The following CAMSAP1 variants were observed in gnomAD, a reference collection of about 807,000 sequenced individuals.
CAMSAP1 encodes the protein calmodulin-regulated spectrin-associated protein 1.
A neutral mutation model predicts 143.5 loss-of-function variants in CAMSAP1; 58 were observed. The ratio of observed to expected loss-of-function variants is 0.40; its 90% CI spans 0.33 to 0.50. The LOEUF is 0.50. Ranked by LOEUF, CAMSAP1 falls within the 20% of genes least tolerant of loss-of-function variation. The pLI is 0.45. For missense variants in CAMSAP1, 1,969 were observed against 2,115.7 expected (o/e 0.93, Z 1.36); for synonymous variants, 945 against 859.3 (o/e 1.10, Z -1.74).
chr9:135,887,741 T>C (rs1838169435), intron 1 of CAMSAP1, among the ~76,000 whole-genome samples: 1 of 151,382 alleles, frequency 6.6e-6, no homozygotes, highest in South Asian at 2.1e-4. Flanking sequence ...CTGGAGGAAG[T>C]GGGGAGAAGT....
At chr9:135,892,860 AAAAAAAAG>A (rs1450234180) in intron 1 of CAMSAP1, among the ~76,000 whole-genome samples, 1 of 147,834 alleles carries the variant, frequency 6.8e-6, no homozygotes, top group African/African-American at 2.5e-5. Flanking sequence ...AAAAAAAAAA[AAAAAAAAG>A]AACTAATCAG....
rs1835488044 is a variant in CAMSAP1 at position 135,822,059 on chromosome 9, T to C, written c.2602A>G (p.Lys868Glu). 6.2e-7 allele frequency: 1 copy of C among 1,612,506 alleles called. No individual in the cohort carries two copies. The highest frequency in any genetic ancestry group is 8.5e-7 in the Non-Finnish European group (1 of 1,179,448). The change falls in exon 11 of 17, where the codon AAG becomes GAG. Residue 868 changes from lysine to glutamate, a missense_variant. Coordinates refer to ENST00000389532, the MANE Select transcript of CAMSAP1 (RefSeq NM_015447.4). This position sits in a 1 kb window ranked among gnomAD's most constrained non-coding sequence, Gnocchi z 6.1. ...KREQSPSQHG[K>E]DPASLLASEL... ...GATGCCAGGAGGCTGGCGGGATCCT[T>C]GCCATGCTGGCTCGGACTCTGCTCC...
At chr9:135,817,892 T>C (rs1835288719) in intron 14 of CAMSAP1, 85 bp downstream of exon 14, 4 of 1,019,412 alleles carry the variant, frequency 3.9e-6, no homozygotes, top group Admixed American at 2.4e-5. Flanking sequence ...CAAAAGCCTC[T>C]CTCACCGTGT....
chr9:135,888,420 G>A (rs1838191760), intron 1 of CAMSAP1, among the ~76,000 whole-genome samples: 2 of 152,292 alleles, frequency 1.3e-5, no homozygotes, highest in South Asian at 2.1e-4. Flanking sequence ...CCTCTGGCAG[G>A]TGCTACAACT....
chr9:135,861,949 C>CT (rs1837209875), intron 5 of CAMSAP1, among the ~76,000 whole-genome samples: 4 of 152,230 alleles, frequency 2.6e-5, no homozygotes, highest in Admixed American at 1.3e-4. Flanking sequence ...ACGTCCCCAA[C>CT]ACGAAGCGTG....
intron 7 of CAMSAP1, among the ~76,000 whole-genome samples, chr9:135,842,484 A>AGGAAATAC (rs1290224242): frequency 1.3e-5 from 2 of 152,208 alleles, no homozygotes; most frequent in African/African-American, 4.8e-5. Flanking sequence ...ATTCAAATTC[A>AGGAAATAC]GGAAATACGG....
chr9:135,823,452 T>C (rs544478206), intron 10 of CAMSAP1, among the ~76,000 whole-genome samples, 192 bp from the exon 11 acceptor site: 4 of 152,296 alleles, frequency 2.6e-5, no homozygotes, highest in African/African-American at 9.6e-5. Flanking sequence ...AACACTCTAG[T>C]CCCAGGACCT....
chr9:135,866,415 T>A (rs1357056725), intron 4 of CAMSAP1, 41 bp downstream of exon 4: 1 of 971,766 alleles, frequency 1.0e-6, no homozygotes, highest in East Asian at 2.6e-5. Context: ...GGGACCAACA[T>A]TAACTTAGTG....
At chr9:135,903,715 A>G (rs1432809236) in intron 1 of CAMSAP1, among the ~76,000 whole-genome samples, 1 of 152,268 alleles carries the variant, frequency 6.6e-6, no homozygotes, top group Non-Finnish European at 1.5e-5. Flanking sequence ...TATTGAAGCC[A>G]CTTTCACCAT....
chr9:135,889,625 C>T (rs1366431075), intron 1 of CAMSAP1, among the ~76,000 whole-genome samples: 1 of 152,218 alleles, frequency 6.6e-6, no homozygotes, highest in African/African-American at 2.4e-5. Flanking sequence ...AGCCTGCCTG[C>T]TAGCAGCTGC....
chr9:135,883,378 C>T (rs906672961), intron 1 of CAMSAP1, among the ~76,000 whole-genome samples: 1 of 152,166 alleles, frequency 6.6e-6, no homozygotes, highest in African/African-American at 2.4e-5. Flanking sequence ...ACCGTGACCT[C>T]AAAGGATGAC....
intron 3 of CAMSAP1, among the ~76,000 whole-genome samples, chr9:135,877,191 C>T (rs73559487): frequency 0.035 from 5,329 of 152,036 alleles, 303 homozygotes; most frequent in African/African-American, 0.12. Flanking sequence ...TGCAATGCCA[C>T]AGGTCAATCT....
intron 16 of CAMSAP1, 127 bp downstream of exon 16, chr9:135,814,970 G>C (rs1175218581): frequency 1.4e-6 from 1 of 728,868 alleles, no homozygotes; most frequent in Non-Finnish European, 2.3e-6. Context: ...CCTCTTCCTT[G>C]AAATCTGCAT....
intron 7 of CAMSAP1, among the ~76,000 whole-genome samples, chr9:135,848,587 TG>T (rs899038274): frequency 9.9e-5 from 15 of 152,106 alleles, no homozygotes; most frequent in Admixed American, 9.2e-4. Context: ...AGTGGAGCTC[TG>T]CCTGCTCTCC....
At position 135,820,266 on chromosome 9, in the gene CAMSAP1, C is replaced by T. The variant is rs62584794; in HGVS notation, c.3822+573G>A. On this transcript the variant is annotated intron_variant, in intron 11 of 16. Coordinates refer to ENST00000389532, the MANE Select transcript of CAMSAP1 (RefSeq NM_015447.4). The surrounding 1 kb of genome is among the most constrained non-coding windows in gnomAD (Gnocchi z 4.4). ...ATGGTCTTATCATCTTAGGAGACGA[C>T]GATATATGGTCTTATCATCTTAGGA... Among the ~76,000 whole-genome samples the T allele has an allele frequency of 0.11, 16,735 of 152,034 alleles. 1,278 individuals carry two copies. Among genetic ancestry groups the T allele is most frequent in the Non-Finnish European group, 0.17 (11,713 of 67,932 alleles).
intron 7 of CAMSAP1, among the ~76,000 whole-genome samples, chr9:135,846,550 G>A (rs1043141944): frequency 6.6e-6 from 1 of 152,062 alleles, no homozygotes; most frequent in African/African-American, 2.4e-5. Context: ...AAAATAAAGA[G>A]CTTCTGCACA....
At chr9:135,904,208 A>G (rs184284795) in intron 1 of CAMSAP1, among the ~76,000 whole-genome samples, 12 of 152,054 alleles carry the variant, frequency 7.9e-5, no homozygotes, top group Admixed American at 6.5e-5. Flanking sequence ...ACAAAAATAA[A>G]AACTGTTTAA....
intron 7 of CAMSAP1, among the ~76,000 whole-genome samples, chr9:135,847,563 G>A (rs1394460956): frequency 1.3e-5 from 2 of 150,798 alleles, no homozygotes; most frequent in East Asian, 4.0e-4. Flanking sequence ...CAAGGACATG[G>A]ATGAAGCTGG....
At chr9:135,864,104 G>C (rs1317222568) in intron 4 of CAMSAP1, among the ~76,000 whole-genome samples, 1 of 152,112 alleles carries the variant, frequency 6.6e-6, no homozygotes, top group Non-Finnish European at 1.5e-5. Context: ...CCTATTTACT[G>C]AACACTGGGG....
Sources: allele counts gnomAD v4.1 joint callset (sites outside exome capture counted in the v4.1 genomes callset), GRCh38; gene constraint gnomAD v4.1.1; non-coding constraint Gnocchi (gnomAD v3.1); transcripts MANE v1.5; gene names NCBI Gene and HGNC (gene_info 2026-07-23, HGNC 2026-07-21).